Variants in TM7SF3 observed in about 807,000 individuals in gnomAD.
TM7SF3 encodes the protein seven span transmembrane protein.
Under a neutral mutation model 65.5 loss-of-function variants are expected in TM7SF3, and 60 were observed. The ratio of observed to expected loss-of-function variants is 0.92; its 90% CI spans 0.74 to 1.14. The LOEUF (loss-of-function observed/expected upper bound fraction) is 1.14. Among genes scored for constraint, TM7SF3 ranks in the 50% most tolerant of loss-of-function variants. The pLI, the probability that TM7SF3 is intolerant of heterozygous loss-of-function variation, is 0.00. For missense variants in TM7SF3, 623 were observed against 684.8 expected (o/e 0.91, Z 1.01); for synonymous variants, 264 against 259.6 (o/e 1.02, Z -0.16).
chr12:26,988,915 G>C (rs1940221657), intron 6 of TM7SF3, among the ~76,000 whole-genome samples: 1 of 152,012 alleles, frequency 6.6e-6, no homozygotes, highest in African/African-American at 2.4e-5. Context: ...AGACGATGAA[G>C]ATGAAGGCCT....
At chr12:26,999,238 T>C (rs971080001) in intron 3 of TM7SF3, among the ~76,000 whole-genome samples, 6 of 151,712 alleles carry the variant, frequency 4.0e-5, no homozygotes, top group Non-Finnish European at 7.4e-5. Context: ...CTACTAAAAA[T>C]ACAAAAAATT....
At chr12:26,996,691 G>T (rs760570811) in intron 4 of TM7SF3, 51 bp downstream of exon 4, 38 of 1,560,648 alleles carry the variant, frequency 2.4e-5, no homozygotes, top group Non-Finnish European at 3.0e-5. Flanking sequence ...CTACACAACT[G>T]TCGTCATGTA....
intron 6 of TM7SF3, among the ~76,000 whole-genome samples, chr12:26,989,109 C>T (rs948786980): frequency 2.0e-5 from 3 of 152,026 alleles, no homozygotes; most frequent in Non-Finnish European, 4.4e-5. Flanking sequence ...CTGGTCAACA[C>T]TAGGCTAATA....
intron 1 of TM7SF3, among the ~76,000 whole-genome samples, chr12:27,005,503 A>G (rs1940997096): frequency 6.6e-6 from 1 of 152,136 alleles, no homozygotes; most frequent in South Asian, 2.1e-4. Context: ...CCTCATGTCT[A>G]TCTCCCATGA....
intron 1 of TM7SF3, among the ~76,000 whole-genome samples, chr12:27,005,804 A>ATT (rs777552897): frequency 6.9e-5 from 10 of 144,916 alleles, no homozygotes; most frequent in African/African-American, 1.0e-4. Flanking sequence ...ATTTTAACTG[A>ATT]TTTTTTTTTT....
chr12:26,982,668 T>C (rs1470420762), intron 7 of TM7SF3, 105 bp downstream of exon 7: 13 of 707,206 alleles, frequency 1.8e-5, no homozygotes, highest in Non-Finnish European at 2.5e-5. Flanking sequence ...TACAAATCTA[T>C]GAAGATAGTA....
intron 6 of TM7SF3, among the ~76,000 whole-genome samples, chr12:26,986,344 C>A (rs1940100079): frequency 6.6e-6 from 1 of 152,112 alleles, no homozygotes; most frequent in African/African-American, 2.4e-5. Flanking sequence ...CAGTAAGAAT[C>A]CCCTTAGGTC....
At chr12:27,010,934 C>T (rs540886162) in intron 1 of TM7SF3, among the ~76,000 whole-genome samples, 1 of 152,200 alleles carries the variant, frequency 6.6e-6, no homozygotes, top group African/African-American at 2.4e-5. Flanking sequence ...ATTTCCAACT[C>T]TTCCTTTTTA....
At chr12:26,984,178 C>T (rs1318398171) in intron 6 of TM7SF3, among the ~76,000 whole-genome samples, 1 of 152,104 alleles carries the variant, frequency 6.6e-6, no homozygotes, top group Non-Finnish European at 1.5e-5. Flanking sequence ...GCCTATAATC[C>T]CAGCACTTTG....
Position 27,002,657 on chromosome 12 carries a change from C to A in TM7SF3, c.246+579G>T, listed in dbSNP as rs1490827158. ...CAGACTCTTCATAGCTTAAACTAAC[C>A]CAGAGAATTTTAAAAACTTTCTAAG... On this transcript the variant is annotated intron_variant, in intron 2 of 11. Transcript: ENST00000343028. 3.3e-5 allele frequency among the ~76,000 whole-genome samples: 5 copies of A among 152,070 alleles called. No homozygotes were observed. The South Asian group carries it at 8.3e-4, about 25-fold the overall frequency.
Position 26,979,952 on chromosome 12 carries a change from G to C in TM7SF3, c.1037-16C>G. The C allele has an allele frequency of 6.2e-7, 1 of 1,613,954 alleles. No homozygotes were observed. The highest frequency in any genetic ancestry group is 8.5e-7 in the Non-Finnish European group (1 of 1,179,962). On this transcript the variant is annotated splice_polypyrimidine_tract_variant and intron_variant, in intron 8 of 11. Coordinates refer to ENST00000343028, the MANE Select transcript of TM7SF3 (RefSeq NM_016551.3). Reference sequence around the variant, plus strand: ...ATCAGATTCACTGTACAAAGAGAGAGGATGAACTGCTGGATAACCGGCAGT... The same window carrying C: ...ATCAGATTCACTGTACAAAGAGAGACGATGAACTGCTGGATAACCGGCAGT...
chr12:26,981,973 T>C (rs1446063645), intron 7 of TM7SF3, among the ~76,000 whole-genome samples: 2 of 152,180 alleles, frequency 1.3e-5, no homozygotes, highest in Non-Finnish European at 2.9e-5. Context: ...GCCTGATTCA[T>C]GTGAAACCAA....
chr12:26,994,866 A>G (rs1295959680), intron 5 of TM7SF3, among the ~76,000 whole-genome samples: 1 of 152,240 alleles, frequency 6.6e-6, no homozygotes, highest in East Asian at 1.9e-4. Flanking sequence ...CAATGTGTAT[A>G]TCCTTAAGCA....
At chr12:26,990,665 ATTTT>A in intron 5 of TM7SF3, 38 bp from the exon 6 acceptor site, 1 of 1,550,452 alleles carries the variant, frequency 6.4e-7, no homozygotes, top group Non-Finnish European at 8.8e-7. Flanking sequence ...TGTTTAGGGG[ATTTT>A]TTTAAGCTAT....
At chr12:26,986,891 T>C (rs976012121) in intron 6 of TM7SF3, among the ~76,000 whole-genome samples, 5 of 152,224 alleles carry the variant, frequency 3.3e-5, no homozygotes, top group Admixed American at 6.5e-5. Context: ...TCTGCCAAAG[T>C]TGATTACTCT....
At chr12:27,002,779 T>C (rs1940884835) in intron 2 of TM7SF3, among the ~76,000 whole-genome samples, 1 of 152,236 alleles carries the variant, frequency 6.6e-6, no homozygotes, top group Non-Finnish European at 1.5e-5. Flanking sequence ...CTGAGCACTA[T>C]AATTTTTTTG....
chr12:27,003,156 T>C (rs1940899984), intron 2 of TM7SF3, 80 bp downstream of exon 2: 2 of 983,718 alleles, frequency 2.0e-6, no homozygotes, highest in Non-Finnish European at 3.0e-6. Flanking sequence ...GATAGAGATA[T>C]CAAATTCTAA....
At chr12:27,010,977 G>GAAA in intron 1 of TM7SF3, among the ~76,000 whole-genome samples, 1 of 152,036 alleles carries the variant, frequency 6.6e-6, no homozygotes, top group Non-Finnish European at 1.5e-5. Flanking sequence ...TACTGTTTGT[G>GAAA]TTTCAACACA....
chr12:26,994,138 T>C (rs1940490171), intron 5 of TM7SF3, among the ~76,000 whole-genome samples: 1 of 152,184 alleles, frequency 6.6e-6, no homozygotes, highest in Non-Finnish European at 1.5e-5. Flanking sequence ...TTCATAAAAA[T>C]AATAATAGTA....
Sources: gnomAD v4.1 joint callset for allele counts (sites outside exome capture counted in the v4.1 genomes callset) on GRCh38, gnomAD v4.1.1 for gene constraint, MANE v1.5 for transcripts, NCBI Gene and HGNC (gene_info 2026-07-23, HGNC 2026-07-21) for gene names.